ARHGAP26: variants seen among roughly 807,000 people sequenced by gnomAD.
ARHGAP26 encodes rho GTPase-activating protein 26.
A neutral mutation model predicts 104.8 loss-of-function variants in ARHGAP26; 38 were observed. That is an observed-to-expected ratio of 0.36 (90% CI 0.28 to 0.48). The LOEUF is 0.48. Ranked by LOEUF, ARHGAP26 falls within the 20% of genes least tolerant of loss-of-function variation. The pLI is 0.99. For missense variants in ARHGAP26, 704 were observed against 947.9 expected (o/e 0.74, Z 3.38); for synonymous variants, 341 against 340.0 (o/e 1.00, Z -0.03).
intron 1 of ARHGAP26, among the ~76,000 whole-genome samples, chr5:142,812,426 T>C (rs1764273421): frequency 6.6e-6 from 1 of 151,948 alleles, no homozygotes; most frequent in Admixed American, 6.6e-5. Flanking sequence ...AACCTCTGCC[T>C]CCTTGGGTTC....
At position 143,224,305 on chromosome 5, in the gene ARHGAP26, AAGAGAAGACAT is replaced by A; in HGVS notation, c.*1860_*1870del. On this transcript the variant is annotated 3_prime_UTR_variant, in exon 23 of 23. Transcript: ENST00000645722. ...ACTGTCCCCGCTTCGGCCTGAAGGA[AAGAGAAGACAT>A]TTCTATGGCCTTGCTCTCTGCTGTC... 4.3e-6 allele frequency: 1 copy of A among 232,012 alleles called. No individual in the cohort carries two copies. The highest frequency in any genetic ancestry group is 8.5e-6 in the Non-Finnish European group (1 of 116,980). The allele number at this position is 232,012 out of a possible 1,614,324, so 14.4% of individuals were successfully genotyped here.
intron 20 of ARHGAP26, among the ~76,000 whole-genome samples, chr5:143,174,183 A>T (rs2151146700): frequency 6.6e-6 from 1 of 152,320 alleles, no homozygotes; most frequent in South Asian, 2.1e-4. Context: ...AAAATAAAAG[A>T]TAGGTAACAA....
chr5:143,079,802 G>A (rs1228080021), intron 17 of ARHGAP26, among the ~76,000 whole-genome samples: 3 of 152,116 alleles, frequency 2.0e-5, no homozygotes, highest in African/African-American at 7.2e-5. Flanking sequence ...CCTAGGGAAA[G>A]TGAGCTTGTT....
chr5:142,989,700 C>A (rs1272303032), intron 11 of ARHGAP26, among the ~76,000 whole-genome samples: 1 of 152,140 alleles, frequency 6.6e-6, no homozygotes, highest in Non-Finnish European at 1.5e-5. Flanking sequence ...GATTTTATTT[C>A]TCCTTCACTT....
chr5:142,905,648 T>G (rs962144749), intron 8 of ARHGAP26, among the ~76,000 whole-genome samples: 1 of 152,218 alleles, frequency 6.6e-6, no homozygotes, highest in African/African-American at 2.4e-5. Flanking sequence ...ATACCATGCT[T>G]CTTCAGTAGT....
At position 143,003,220 on chromosome 5, in the gene ARHGAP26, A is replaced by G. The variant is rs566361086; in HGVS notation, c.1108-10860A>G. On this transcript the variant is annotated intron_variant, in intron 11 of 22. Transcript: ENST00000645722. ...CTCCTTCACTGGTTATTGGGGTGTG[A>G]CCTACCACCTACATGCTCCAGGAGG... Among the ~76,000 whole-genome samples, 11 of 152,332 alleles carry G rather than the reference A, an allele frequency of 7.2e-5. No homozygotes were observed. In the East Asian group the frequency reaches 2.1e-3, roughly 29 times the overall value.
chr5:142,795,381 GAA>G (rs1760789283), intron 1 of ARHGAP26, among the ~76,000 whole-genome samples: 1 of 152,198 alleles, frequency 6.6e-6, no homozygotes, highest in Non-Finnish European at 1.5e-5. Context: ...CTCTAGGGAA[GAA>G]GAGGCCAAGC....
intron 17 of ARHGAP26, among the ~76,000 whole-genome samples, chr5:143,092,198 C>G (rs1157131809): frequency 6.7e-6 from 1 of 149,478 alleles, no homozygotes; most frequent in Non-Finnish European, 1.5e-5. Flanking sequence ...TGGAGTCTCC[C>G]TCTCGCCCAG....
At chr5:143,148,206 T>C (rs116420047) in intron 20 of ARHGAP26, among the ~76,000 whole-genome samples, 3 of 152,236 alleles carry the variant, frequency 2.0e-5, no homozygotes, top group Non-Finnish European at 1.5e-5. Flanking sequence ...TGAAAATACA[T>C]TGAGGTTCAG....
At chr5:143,187,872 C>T (rs1805371891) in intron 20 of ARHGAP26, among the ~76,000 whole-genome samples, 1 of 152,186 alleles carries the variant, frequency 6.6e-6, no homozygotes, top group African/African-American at 2.4e-5. Context: ...TATGTCTTGC[C>T]TCAGCAGAGA....
Position 142,770,547 on chromosome 5 carries a change from C to G in ARHGAP26, c.-215C>G, listed in dbSNP as rs1597539372. On this transcript the variant is annotated 5_prime_UTR_variant, in exon 1 of 23. Coordinates refer to ENST00000645722, the MANE Select transcript of ARHGAP26 (RefSeq NM_001135608.3). ...TCCTGCTCGCGATCCGCTCCGTTGC[C>G]CGCGCCCGGAACAGCAGCACCTCGG... 1 of 213,346 alleles carries G rather than the reference C, an allele frequency of 4.7e-6. No homozygotes were observed. Among genetic ancestry groups the G allele is most frequent in the Admixed American group, 6.2e-5 (1 of 16,210 alleles). The allele number at this position is 213,346 out of a possible 1,614,324, so 13.2% of individuals were successfully genotyped here. A position where few individuals can be genotyped will look rare whatever the true frequency, so the allele number is the denominator to read the frequency against.
chr5:143,029,737 A>G (rs1037467199), intron 12 of ARHGAP26, among the ~76,000 whole-genome samples: 1 of 152,044 alleles, frequency 6.6e-6, no homozygotes, highest in African/African-American at 2.4e-5. Context: ...TGCATAACCT[A>G]CAGTGCTTCC....
chr5:142,846,533 TAGTA>T (rs1362891081), intron 1 of ARHGAP26, among the ~76,000 whole-genome samples: 1 of 152,186 alleles, frequency 6.6e-6, no homozygotes, highest in East Asian at 1.9e-4. Flanking sequence ...GATTTTATCT[TAGTA>T]AGGGCTGCAG....
chr5:142,917,769 G>T (rs1011564082), intron 10 of ARHGAP26, among the ~76,000 whole-genome samples: 1 of 152,148 alleles, frequency 6.6e-6, no homozygotes, highest in Non-Finnish European at 1.5e-5. Context: ...CTGGGCTCAA[G>T]CAATCTTCCC....
At chr5:142,826,361 A>G (rs924764073) in intron 1 of ARHGAP26, among the ~76,000 whole-genome samples, 1 of 152,278 alleles carries the variant, frequency 6.6e-6, no homozygotes, top group South Asian at 2.1e-4. Context: ...CCCTACCACA[A>G]TCCCATCATG....
intron 19 of ARHGAP26, among the ~76,000 whole-genome samples, chr5:143,146,535 G>C (rs1799180129): frequency 6.6e-6 from 1 of 152,208 alleles, no homozygotes; most frequent in Non-Finnish European, 1.5e-5. Context: ...TATTCTCCAA[G>C]CATGAATATG....
intron 5 of ARHGAP26, among the ~76,000 whole-genome samples, chr5:142,889,947 C>G (rs1041451652): frequency 1.8e-4 from 21 of 114,730 alleles, no homozygotes; most frequent in African/African-American, 9.6e-4. Flanking sequence ...CCAGCCTGAC[C>G]AACGTGGAGA....
chr5:143,207,967 G>A (rs745906620), intron 21 of ARHGAP26, among the ~76,000 whole-genome samples: 69 of 152,124 alleles, frequency 4.5e-4, no homozygotes, highest in Admixed American at 7.2e-4. Flanking sequence ...AATTGCTCAC[G>A]GCTTATGCCT....
chr5:143,205,409 C>T (rs1447690611), intron 20 of ARHGAP26, among the ~76,000 whole-genome samples: 11 of 152,082 alleles, frequency 7.2e-5, no homozygotes, highest in Admixed American at 6.5e-4. Flanking sequence ...TCCGCCAGAC[C>T]GAACACTGGA....
Sources: allele counts gnomAD v4.1 joint callset (sites outside exome capture counted in the v4.1 genomes callset), GRCh38; gene constraint gnomAD v4.1.1; transcripts MANE v1.5; gene names NCBI Gene and HGNC (gene_info 2026-07-23, HGNC 2026-07-21).